ARHGAP32: variants seen among roughly 807,000 people sequenced by gnomAD.
The protein encoded by ARHGAP32 is rho GTPase-activating protein 32.
In ARHGAP32, 51 loss-of-function variants were observed where a neutral mutation model predicts 186.5. That is an observed-to-expected ratio of 0.27 (90% CI 0.22 to 0.35). ARHGAP32 has a LOEUF of 0.35. Among genes scored for constraint, ARHGAP32 ranks in the 10% least tolerant of loss-of-function variants. ARHGAP32 has a pLI of 1.00. For synonymous variants in ARHGAP32, 950 were observed against 964.3 expected, an observed-to-expected ratio of 0.99 and a Z score of 0.27; for missense variants, 2,186 against 2,623.5, an observed-to-expected ratio of 0.83 and a Z score of 3.64.
chr11:129,000,836 T>C (rs889893795), intron 11 of ARHGAP32, among the ~76,000 whole-genome samples: 2 of 152,066 alleles, frequency 1.3e-5, no homozygotes, highest in African/African-American at 4.8e-5. Context: ...TGATTTCAAC[T>C]GTTTGGATTT....
chr11:129,158,675 A>T (rs182941996), intron 2 of ARHGAP32, among the ~76,000 whole-genome samples: 12 of 152,280 alleles, frequency 7.9e-5, no homozygotes, highest in African/African-American at 2.9e-4. Flanking sequence ...TAACAAGGAT[A>T]TTCAGGACTT....
At chr11:128,983,643 TA>T (rs977942003) in intron 15 of ARHGAP32, among the ~76,000 whole-genome samples, 37 of 143,830 alleles carry the variant, frequency 2.6e-4, no homozygotes, top group African/African-American at 8.1e-4. Flanking sequence ...TAAAGTATAA[TA>T]AAAAAATAAA....
chr11:129,134,864 G>A (rs2135412630), intron 2 of ARHGAP32, among the ~76,000 whole-genome samples: 1 of 152,244 alleles, frequency 6.6e-6, no homozygotes, highest in East Asian at 1.9e-4. Context: ...CCACATCTAA[G>A]AAAGAAACCC....
At chr11:129,120,367 T>C (rs974705051) in intron 5 of ARHGAP32, among the ~76,000 whole-genome samples, 1 of 152,000 alleles carries the variant, frequency 6.6e-6, no homozygotes, top group African/African-American at 2.4e-5. Context: ...GATTGAGGTG[T>C]TATTAGGCAT....
At chr11:129,096,212 C>T (rs1941723780) in intron 5 of ARHGAP32, among the ~76,000 whole-genome samples, 1 of 151,908 alleles carries the variant, frequency 6.6e-6, no homozygotes, top group South Asian at 2.1e-4. Context: ...CAGAATTGGG[C>T]CAGATATAAA....
rs889120430 is a variant in ARHGAP32, at chr11:129,141,599, T to C, written c.226-16705A>G. On this transcript the variant is annotated intron_variant, in intron 2 of 22. Transcript: ENST00000682385. Reference sequence around the variant, plus strand: ...AACAAACCTGCACGTTGTGCACATGTACCCTAGAACTTAAAGTATAATTAA... The same window carrying C: ...AACAAACCTGCACGTTGTGCACATGCACCCTAGAACTTAAAGTATAATTAA... Among the ~76,000 whole-genome samples, 6 of 149,056 alleles carry C rather than the reference T, an allele frequency of 4.0e-5. No individual in the cohort carries two copies. In the East Asian group the frequency reaches 1.2e-3, roughly 29 times the overall value.
intron 2 of ARHGAP32, among the ~76,000 whole-genome samples, chr11:129,131,709 T>G (rs1228996369): frequency 6.6e-6 from 1 of 152,060 alleles, no homozygotes; most frequent in Non-Finnish European, 1.5e-5. Context: ...GACATGAGAT[T>G]TGGATGGGCC....
chr11:129,000,854 C>A (rs973134424), intron 11 of ARHGAP32, among the ~76,000 whole-genome samples: 6 of 152,144 alleles, frequency 3.9e-5, no homozygotes, highest in Non-Finnish European at 8.8e-5. Context: ...TTTTCAGATC[C>A]CACAAATAAG....
intron 2 of ARHGAP32, among the ~76,000 whole-genome samples, chr11:129,145,000 T>C (rs888388968): frequency 1.3e-5 from 2 of 152,174 alleles, no homozygotes; most frequent in African/African-American, 4.8e-5. Flanking sequence ...CATTTACATA[T>C]TAGCAAAGCT....
chr11:129,183,726 A>G (rs1179230884), intron 1 of ARHGAP32, among the ~76,000 whole-genome samples: 1 of 152,114 alleles, frequency 6.6e-6, no homozygotes, highest in East Asian at 1.9e-4. Context: ...CCCACCTGCC[A>G]GCTGAAGAAG....
intron 6 of ARHGAP32, among the ~76,000 whole-genome samples, chr11:129,075,854 G>A (rs1858676522): frequency 6.6e-6 from 1 of 152,194 alleles, no homozygotes; most frequent in Non-Finnish European, 1.5e-5. Flanking sequence ...CCATCTTGAA[G>A]AGGTGCTGAG....
At chr11:129,054,634 A>G (rs935531319) in intron 10 of ARHGAP32, among the ~76,000 whole-genome samples, 5 of 152,188 alleles carry the variant, frequency 3.3e-5, no homozygotes, top group Non-Finnish European at 7.4e-5. Flanking sequence ...TATTTCTAAC[A>G]ATCATTTACA....
chr11:129,275,911 A>AC (rs959619885), intron 1 of ARHGAP32, among the ~76,000 whole-genome samples: 12 of 152,206 alleles, frequency 7.9e-5, no homozygotes, highest in Non-Finnish European at 1.5e-5. Context: ...AATTTAAAAT[A>AC]TTTTTTACTA....
At chr11:129,120,784 T>C (rs937162000) in intron 5 of ARHGAP32, among the ~76,000 whole-genome samples, 4 of 152,138 alleles carry the variant, frequency 2.6e-5, no homozygotes, top group Admixed American at 2.6e-4. Context: ...CTAAGAGAAA[T>C]TTCTAAGATC....
At chr11:128,997,397 G>A (rs184896286) in intron 12 of ARHGAP32, among the ~76,000 whole-genome samples, 25 of 152,216 alleles carry the variant, frequency 1.6e-4, no homozygotes, top group Admixed American at 1.4e-3. Context: ...ATTTGAACTT[G>A]ATACTATCAA....
At chr11:129,181,453 T>C (rs1308579855) in intron 1 of ARHGAP32, among the ~76,000 whole-genome samples, 1 of 152,176 alleles carries the variant, frequency 6.6e-6, no homozygotes, top group African/African-American at 2.4e-5. Flanking sequence ...ACCAGCGTTC[T>C]GTGTGCCTGG....
chr11:128,987,072 A>C (rs1394289106), intron 13 of ARHGAP32, among the ~76,000 whole-genome samples: 1 of 152,240 alleles, frequency 6.6e-6, no homozygotes, highest in African/African-American at 2.4e-5. Flanking sequence ...GAAATTCCTC[A>C]GATACAGATT....
intron 12 of ARHGAP32, among the ~76,000 whole-genome samples, chr11:128,989,236 C>A (rs1216432118): frequency 6.6e-6 from 1 of 151,922 alleles, no homozygotes; most frequent in Non-Finnish European, 1.5e-5. Flanking sequence ...TAAAACTTAA[C>A]CTCATCTTTG....
intron 5 of ARHGAP32, among the ~76,000 whole-genome samples, chr11:129,120,231 A>G (rs117959111): frequency 0.013 from 1,961 of 152,202 alleles, 20 homozygotes; most frequent in Non-Finnish European, 0.02. Flanking sequence ...ACAGAAAGAA[A>G]GATGCCCAAG....
Sources: gnomAD v4.1 joint callset for allele counts (sites outside exome capture counted in the v4.1 genomes callset) on GRCh38, gnomAD v4.1.1 for gene constraint, MANE v1.5 for transcripts, NCBI Gene and HGNC (gene_info 2026-07-23, HGNC 2026-07-21) for gene names.